Variants in SLC2A13 observed in about 807,000 individuals in gnomAD.
SLC2A13 encodes solute carrier family 2 member 13.
A neutral mutation model predicts 64.4 loss-of-function variants in SLC2A13; 32 were observed. That is an observed-to-expected ratio of 0.50 (90% CI 0.37 to 0.67). SLC2A13 has a LOEUF of 0.67. Ranked by LOEUF, SLC2A13 falls within the 30% of genes least tolerant of loss-of-function variation. SLC2A13 has a pLI of 0.00. For missense variants in SLC2A13, 743 were observed against 829.2 expected (o/e 0.90, Z 1.28); for synonymous variants, 338 against 327.1 (o/e 1.03, Z -0.36).
intron 3 of SLC2A13, among the ~76,000 whole-genome samples, chr12:40,026,209 A>G (rs1355765040): frequency 6.6e-6 from 1 of 152,238 alleles, no homozygotes; most frequent in Non-Finnish European, 1.5e-5. Flanking sequence ...AAATCCAGAA[A>G]TGGATAGGTT....
chr12:39,973,401 C>T (rs1565570111), intron 3 of SLC2A13, among the ~76,000 whole-genome samples: 2 of 152,164 alleles, frequency 1.3e-5, no homozygotes, highest in African/African-American at 4.8e-5. Context: ...TCCTGATATC[C>T]AAACTTTGGA....
intron 4 of SLC2A13, among the ~76,000 whole-genome samples, chr12:39,880,299 T>G (rs1944306869): frequency 1.3e-5 from 2 of 152,212 alleles, no homozygotes; most frequent in South Asian, 4.1e-4. Flanking sequence ...CATCAATAGC[T>G]TTAATAGAAA....
chr12:40,061,560 G>C (rs1382913955), intron 1 of SLC2A13, among the ~76,000 whole-genome samples: 1 of 152,026 alleles, frequency 6.6e-6, no homozygotes. Context: ...ATTCTATTAG[G>C]CACGGCAAGT....
chr12:40,030,100 C>T (rs542219667), intron 2 of SLC2A13, among the ~76,000 whole-genome samples: 8 of 152,178 alleles, frequency 5.3e-5, no homozygotes, highest in African/African-American at 1.9e-4. Context: ...TCTACATTAA[C>T]TAACCAGAAA....
chr12:39,766,863 C>T (rs1940369849), intron 7 of SLC2A13, among the ~76,000 whole-genome samples: 1 of 152,096 alleles, frequency 6.6e-6, no homozygotes, highest in Non-Finnish European at 1.5e-5. Context: ...TTAGGCTTCG[C>T]TTCTACAATA....
At chr12:39,830,531 C>G (rs1228033262) in intron 6 of SLC2A13, 2 of 1,048,724 alleles carry the variant, frequency 1.9e-6, no homozygotes, top group Non-Finnish European at 2.3e-6. Context: ...CTTTTGCTTT[C>G]CTAAACCACT....
At chr12:39,933,207 C>G (rs189435174) in intron 4 of SLC2A13, among the ~76,000 whole-genome samples, 1 of 152,054 alleles carries the variant, frequency 6.6e-6, no homozygotes, top group Non-Finnish European at 1.5e-5. Context: ...CCAGCCTGGG[C>G]GACAGAGCAA....
chr12:40,034,603 C>G (rs1947950077), intron 2 of SLC2A13, among the ~76,000 whole-genome samples: 1 of 152,152 alleles, frequency 6.6e-6, no homozygotes, highest in African/African-American at 2.4e-5. Context: ...TATTGATTAA[C>G]AAATCATGTC....
intron 4 of SLC2A13, among the ~76,000 whole-genome samples, chr12:39,890,103 T>G (rs1944566458): frequency 6.6e-6 from 1 of 152,172 alleles, no homozygotes. Context: ...AATACCAGTC[T>G]ATATTACTCT....
chr12:40,069,646 A>T (rs564898173), intron 1 of SLC2A13, among the ~76,000 whole-genome samples: 4 of 152,122 alleles, frequency 2.6e-5, no homozygotes, highest in Non-Finnish European at 5.9e-5. Context: ...GTTGAAAAAA[A>T]AAAGGACAGA....
At chr12:39,827,645 C>T (rs1198708766) in intron 7 of SLC2A13, among the ~76,000 whole-genome samples, 1 of 152,090 alleles carries the variant, frequency 6.6e-6, no homozygotes, top group African/African-American at 2.4e-5. Flanking sequence ...GATTTTCCTG[C>T]AGCAGCTCAG....
intron 7 of SLC2A13, among the ~76,000 whole-genome samples, chr12:39,807,098 AGGTTGGT>A (rs201935387): frequency 0.017 from 2,491 of 148,812 alleles, 36 homozygotes; most frequent in Non-Finnish European, 0.025. Context: ...GCAACACATT[AGGTTGGT>A]GGAAAAGTAA....
At chr12:39,977,513 C>T (rs1005012419) in intron 3 of SLC2A13, among the ~76,000 whole-genome samples, 21 of 152,182 alleles carry the variant, frequency 1.4e-4, no homozygotes, top group Admixed American at 9.2e-4. Context: ...ACATCAAGAA[C>T]GGTTATTAAA....
chr12:40,015,776 G>A (rs892801895), intron 3 of SLC2A13, among the ~76,000 whole-genome samples: 9 of 152,074 alleles, frequency 5.9e-5, no homozygotes, highest in Non-Finnish European at 1.0e-4. Context: ...AGATGGGTTG[G>A]AATTCTGAAT....
At chr12:40,075,758 C>T (rs1360238719) in intron 1 of SLC2A13, among the ~76,000 whole-genome samples, 1 of 152,112 alleles carries the variant, frequency 6.6e-6, no homozygotes, top group Non-Finnish European at 1.5e-5. Flanking sequence ...TATTGTCCTA[C>T]AAGTCCTTAA....
intron 3 of SLC2A13, among the ~76,000 whole-genome samples, chr12:39,962,529 T>C (rs1408343162): frequency 6.6e-6 from 1 of 152,244 alleles, no homozygotes; most frequent in East Asian, 1.9e-4. Context: ...CCTGAACTCC[T>C]CATGGCTACT....
chr12:40,066,983 G>A (rs995535848), intron 1 of SLC2A13, among the ~76,000 whole-genome samples: 1 of 152,106 alleles, frequency 6.6e-6, no homozygotes, highest in African/African-American at 2.4e-5. Context: ...TATATGTTAT[G>A]TGGCATATAG....
At chr12:40,069,122 G>A (rs1338063675) in intron 1 of SLC2A13, among the ~76,000 whole-genome samples, 1 of 151,960 alleles carries the variant, frequency 6.6e-6, no homozygotes, top group Non-Finnish European at 1.5e-5. Context: ...GGAGAATCTA[G>A]TATAATTTTG....
chr12:39,998,641 T>C (rs1947273324), intron 3 of SLC2A13, among the ~76,000 whole-genome samples: 2 of 152,212 alleles, frequency 1.3e-5, no homozygotes, highest in African/African-American at 4.8e-5. Context: ...CCATTGTATC[T>C]AGGAAGTAAC....
Sources: allele counts gnomAD v4.1 joint callset (sites outside exome capture counted in the v4.1 genomes callset), GRCh38; gene constraint gnomAD v4.1.1; transcripts MANE v1.5; gene names NCBI Gene and HGNC (gene_info 2026-07-23, HGNC 2026-07-21).